The following HOXA1 variants were observed in gnomAD, a reference collection of about 807,000 sequenced individuals.
HOXA1 encodes homeobox A1, also known as homeobox protein Hox-A1.
In HOXA1, 21 loss-of-function variants were observed where a neutral mutation model predicts 28.3. The observed-to-expected ratio is 0.74, with a 90% confidence interval of 0.53 to 1.07. HOXA1 has a LOEUF of 1.07. Ranked by LOEUF, HOXA1 falls within the 50% of genes least tolerant of loss-of-function variation. HOXA1 has a pLI of 0.00. For missense variants in HOXA1, 446 were observed against 434.3 expected (o/e 1.03, Z -0.24); for synonymous variants, 208 against 181.2 (o/e 1.15, Z -1.19).
Position 27,095,670 on chromosome 7 carries a change from C to A in HOXA1, c.243G>T (p.Gln81His). 1 of 1,613,878 alleles carries A rather than the reference C, an allele frequency of 6.2e-7. No homozygotes were observed. Among genetic ancestry groups the A allele is most frequent in the South Asian group, 1.1e-5 (1 of 91,070 alleles). The change falls in exon 1 of 2, where the codon CAG (glutamine) becomes CAT (histidine). Residue 81 changes from glutamine (Q) to histidine (H), a missense_variant. Transcript: ENST00000643460. ...HHRHPQPATYQTSGNLGVSYS... is the reference protein window; with the variant it reads ...HHRHPQPATYHTSGNLGVSYS... ...AGGACACCCCCAGGTTCCCGGAAGT[C>A]TGGTAGGTAGCCGGCTGGGGGTGGC...
Position 27,095,856 on chromosome 7 carries a change from G to A in HOXA1, c.57C>T (p.Asp19=), listed in dbSNP as rs1256148487. Residue 19 remains aspartate, a synonymous_variant, in exon 1 of 2, where the codon GAC becomes GAT. Transcript: ENST00000643460. ...FLEYPILSSG[D]SGTCSARAYP... is the part of the protein sequence containing the mutation. ...AGGCTCGGGCTGAGCAGGTCCCCGA[G>A]TCGCCACTGCTAAGTATGGGGTATT... The A allele has an allele frequency of 6.2e-7, 1 of 1,613,936 alleles. No individual in the cohort carries two copies. Among genetic ancestry groups the A allele is most frequent in the South Asian group, 1.1e-5 (1 of 91,092 alleles).
Position 27,095,697 on chromosome 7 carries a change from ATGGTGGTGGTGG to A in HOXA1, c.204_215del (p.His69_His72del), listed in dbSNP as rs747464910. ...GGTAGGTAGCCGGCTGGGGGTGGCG[ATGGTGGTGGTGG>A]TGGTGGTGGTGGGGCGAACCGATCT... On this transcript the variant is annotated inframe_deletion, in exon 1 of 2. Coordinates refer to ENST00000643460, the MANE Select transcript of HOXA1 (RefSeq NM_005522.5). 2.1e-6 allele frequency: 2 copies of A among 949,658 alleles called. No homozygotes were observed. Among genetic ancestry groups the A allele is most frequent in the Non-Finnish European group, 1.4e-6 (1 of 718,376 alleles). 58.8% of individuals were successfully genotyped at this position (949,658 alleles called of 1,614,324 possible). A position where few individuals can be genotyped will look rare whatever the true frequency, so the allele number is the denominator to read the frequency against.
At position 27,095,392 on chromosome 7, in the gene HOXA1, G is replaced by T. The variant is rs1301940697; in HGVS notation, c.521C>A (p.Ala174Asp). The change falls in exon 1 of 2, where the codon GCT (alanine) becomes GAT (aspartate). Residue 174 changes from alanine to aspartate, a missense_variant. Physicochemically the swap from Ala to Asp is moderately radical, Grantham distance 126. Transcript: ENST00000643460. ...AGGGGACAAGGAGTTATTATACGTA[G>T]CCAGGGCCAGGCTCTGGTGCTCCTG... is the stretch of plus-strand genomic sequence containing the variant. Reference protein sequence around the residue: ...YGQEHQSLALATYNNSLSPLH... With the variant: ...YGQEHQSLALDTYNNSLSPLH... 1.2e-6 allele frequency: 2 copies of T among 1,614,000 alleles called. No individual in the cohort carries two copies. Among genetic ancestry groups the T allele is most frequent in the Non-Finnish European group, 1.7e-6 (2 of 1,180,034 alleles).
chr7:27,094,928 G>A (rs1783785138), intron 1 of HOXA1, 133 bp from the exon 2 acceptor site: 2 of 732,602 alleles, frequency 2.7e-6, no homozygotes, highest in South Asian at 1.6e-5. Context: ...GCTGTGGAGG[G>A]TGAGTGATGA....
chr7:27,095,538 C>T lies in HOXA1; in HGVS notation c.375G>A (p.Gln125=). 6.2e-7 allele frequency: 1 copy of T among 1,614,036 alleles called. No homozygotes were observed. The highest frequency in any genetic ancestry group is 8.5e-7 in the Non-Finnish European group (1 of 1,180,022). Residue 125 remains glutamine, a synonymous_variant, in exon 1 of 2, where the codon CAG becomes CAA. Coordinates refer to ENST00000643460, the MANE Select transcript of HOXA1 (RefSeq NM_005522.5). Reference sequence around the variant, plus strand: ...TTCCAGAGTAAACAGCGGGAGCGCACTGGGGGTACCCACCACTTACGTCTG... The same window carrying T: ...TTCCAGAGTAAACAGCGGGAGCGCATTGGGGGTACCCACCACTTACGTCTG... ...QEADVSGGYP[Q]CAPAVYSGNL...
At chr7:27,095,223 G>A (rs774113767) in intron 1 of HOXA1, 38 bp downstream of exon 1, 1 of 1,598,548 alleles carries the variant, frequency 6.3e-7, no homozygotes, top group African/African-American at 1.3e-5. Flanking sequence ...GCTCCTTCCA[G>A]AATAATCAAG....
rs926957893 is a variant in HOXA1 at position 27,093,629 on chromosome 7, G to T, written c.*811C>A. 6.6e-6 allele frequency: 1 copy of T among 152,484 alleles called. No homozygotes were observed. The highest frequency in any genetic ancestry group is 1.5e-5 in the Non-Finnish European group (1 of 68,042). The allele number at this position is 152,484 out of a possible 1,614,324, so 9.4% of individuals were successfully genotyped here. On this transcript the variant is annotated 3_prime_UTR_variant, in exon 2 of 2. Coordinates refer to ENST00000643460, the MANE Select transcript of HOXA1 (RefSeq NM_005522.5). The stretch of plus-strand genomic sequence containing the variant: ...AAATTGGTTTGAATAATACTTTTAG[G>T]TTCTGAATAACCCAGCACAAATTTT...
Position 27,095,287 on chromosome 7 carries a change from T to G in HOXA1, c.626A>C (p.Lys209Thr). 1 of 1,614,034 alleles carries G rather than the reference T, an allele frequency of 6.2e-7. No individual in the cohort carries two copies. Among genetic ancestry groups the G allele is most frequent in the Admixed American group, 1.7e-5 (1 of 60,006 alleles). Residue 209 changes from lysine to threonine, a missense_variant, in exon 1 of 2, where the codon AAA (lysine) becomes ACA (threonine). Physicochemically the swap from Lys to Thr is moderately conservative, Grantham distance 78 (BLOSUM62 -1). Transcript: ENST00000643460. ...TGTTTTGGGAGGGTTTCTTTTGACTTTCATCCAGTCAAAAGTCTGCGCTGG... is the reference window on the plus strand; with the variant it reads ...TGTTTTGGGAGGGTTTCTTTTGACTGTCATCCAGTCAAAAGTCTGCGCTGG... ...SSPAQTFDWM[K>T]VKRNPPKTGK...
At position 27,095,569 on chromosome 7, in the gene HOXA1, T is replaced by C. The variant is rs1380694364; in HGVS notation, c.344A>G (p.Gln115Arg). The change falls in exon 1 of 2, where the codon CAG (glutamine) becomes CGG (arginine). Residue 115 changes from glutamine to arginine, a missense_variant. Coordinates refer to ENST00000643460, the MANE Select transcript of HOXA1 (RefSeq NM_005522.5). The stretch of plus-strand genomic sequence containing the variant: ...GTACCCACCACTTACGTCTGCTTCC[T>C]GATTTAACGCGTAGGGGCTGTAAGG... Reference protein sequence around the residue: ...SAPYSPYALNQEADVSGGYPQ... With the variant: ...SAPYSPYALNREADVSGGYPQ... 2.5e-6 allele frequency: 4 copies of C among 1,614,170 alleles called. No individual in the cohort carries two copies. The East Asian group carries it at 8.9e-5, about 36-fold the overall frequency.
Position 27,094,476 on chromosome 7 carries a change from C to T in HOXA1, c.972G>A (p.Gly324=), listed in dbSNP as rs764172712. The T allele has an allele frequency of 1.2e-6, 2 of 1,613,972 alleles. No individual in the cohort carries two copies. The highest frequency in any genetic ancestry group is 1.7e-6 in the Non-Finnish European group (2 of 1,179,852). ...SSSSPCVPSP[G]SSTSDTLTTS... is the part of the protein sequence containing the mutation. ...TAGTCAGAGTGTCTGAGGTAGAAGA[C>T]CCCGGGGAAGGAACGCAGGGCGAAG... The change falls in exon 2 of 2, where the codon GGG becomes GGA. Residue 324 remains glycine, a synonymous_variant. Coordinates refer to ENST00000643460, the MANE Select transcript of HOXA1 (RefSeq NM_005522.5).
chr7:27,094,345 T>G lies in HOXA1; in HGVS notation c.*95A>C. On this transcript the variant is annotated 3_prime_UTR_variant, in exon 2 of 2. Coordinates refer to ENST00000643460, the MANE Select transcript of HOXA1 (RefSeq NM_005522.5). ...TAGGATTAGAAAGGAAGAAAGAGAC[T>G]GTAAATGGAAAGAAAGATAAGCTAA... 1.1e-6 allele frequency: 1 copy of G among 878,582 alleles called. No individual in the cohort carries two copies. Among genetic ancestry groups the G allele is most frequent in the Admixed American group, 1.8e-5 (1 of 54,796 alleles). 54.4% of individuals were successfully genotyped at this position (878,582 alleles called of 1,614,324 possible).
Position 27,095,977 on chromosome 7 carries a change from A to T in HOXA1, c.-65T>A. ...CTGTGCCAACTTTCTCACTTCCTCC[A>T]TGGGGCCGGAGAAGAAAAATGATAT... On this transcript the variant is annotated 5_prime_UTR_variant, in exon 1 of 2. It removes an upstream start codon present in the reference 5' UTR. Coordinates refer to ENST00000643460, the MANE Select transcript of HOXA1 (RefSeq NM_005522.5). 1 of 1,024,914 alleles carries T rather than the reference A, an allele frequency of 9.8e-7. No homozygotes were observed. The highest frequency in any genetic ancestry group is 1.4e-6 in the Non-Finnish European group (1 of 737,136). The allele number at this position is 1,024,914 out of a possible 1,614,324, so 63.5% of individuals were successfully genotyped here.
In HOXA1 at chr7:27,094,586, C is replaced by T. The variant is rs762030849; in HGVS notation, c.862G>A (p.Glu288Lys). The T allele has an allele frequency of 1.9e-6, 3 of 1,614,214 alleles. No individual in the cohort carries two copies. Among genetic ancestry groups the T allele is most frequent in the Non-Finnish European group, 2.5e-6 (3 of 1,180,040 alleles). ...QNRRMKQKKR[E>K]KEGLLPISPA... ...GAGATGGGCAAGAGACCCTCCTTCTCACGTTTCTTTTGCTTCATTCGGCGG... is the reference window on the plus strand; with the variant it reads ...GAGATGGGCAAGAGACCCTCCTTCTTACGTTTCTTTTGCTTCATTCGGCGG... The change falls in exon 2 of 2, where the codon GAG (glutamate) becomes AAG (lysine). Residue 288 changes from glutamate (E) to lysine (K), a missense_variant. Coordinates refer to ENST00000643460, the MANE Select transcript of HOXA1 (RefSeq NM_005522.5).
Position 27,094,490 on chromosome 7 carries a change from C to A in HOXA1, c.958G>T (p.Val320Phe), listed in dbSNP as rs199550475. 2.5e-6 allele frequency: 4 copies of A among 1,614,198 alleles called. No individual in the cohort carries two copies. The highest frequency in any genetic ancestry group is 3.4e-6 in the Non-Finnish European group (4 of 1,180,036). Reference protein sequence around the residue: ...SSEKSSSSPCVPSPGSSTSDT... With the variant: ...SSEKSSSSPCFPSPGSSTSDT... Reference sequence around the variant, plus strand: ...GAGGTAGAAGACCCCGGGGAAGGAACGCAGGGCGAAGAGCTGGACTTCTCT... The same window carrying A: ...GAGGTAGAAGACCCCGGGGAAGGAAAGCAGGGCGAAGAGCTGGACTTCTCT... Residue 320 changes from valine to phenylalanine, a missense_variant, in exon 2 of 2, where the codon GTT becomes TTT. Val to Phe is a conservative substitution (Grantham distance 50). Transcript: ENST00000643460.
chr7:27,095,873 T>C lies in HOXA1; in HGVS notation c.40A>G (p.Ile14Val). The C allele has an allele frequency of 6.2e-7, 1 of 1,613,846 alleles. No individual in the cohort carries two copies. Among genetic ancestry groups the C allele is most frequent in the Middle Eastern group, 1.6e-4 (1 of 6,062 alleles). The change falls in exon 1 of 2, where the codon ATA becomes GTA. Residue 14 changes from isoleucine (I) to valine (V), a missense_variant. Physicochemically the swap from Ile to Val is conservative, Grantham distance 29. Transcript: ENST00000643460. Reference protein sequence around the residue: ...ARMNSFLEYPILSSGDSGTCS... With the variant: ...ARMNSFLEYPVLSSGDSGTCS... The stretch of plus-strand genomic sequence containing the variant: ...GTCCCCGAGTCGCCACTGCTAAGTA[T>C]GGGGTATTCCAGGAAGGAGTTCATT...
intron 1 of HOXA1, 148 bp downstream of exon 1, chr7:27,095,113 C>A: frequency 3.5e-6 from 3 of 868,310 alleles, no homozygotes; most frequent in Non-Finnish European, 3.7e-6. Flanking sequence ...TTTGCCCCAA[C>A]ACCTCTGGGC....
intron 1 of HOXA1, among the ~76,000 whole-genome samples, 183 bp downstream of exon 1, chr7:27,095,078 A>C (rs1462504705): frequency 6.6e-6 from 1 of 152,144 alleles, no homozygotes; most frequent in African/African-American, 2.4e-5. Context: ...AAAATCCTTG[A>C]AAACACACCA....
In HOXA1 at chr7:27,095,697, A is replaced by ATGGTGATGG. The variant is rs1783807683; in HGVS notation, c.215_216insCCATCACCA (p.His70_His72dup). ...GGTAGGTAGCCGGCTGGGGGTGGCG[A>ATGGTGATGG]TGGTGGTGGTGGTGGTGGTGGTGGG... is the stretch of plus-strand genomic sequence containing the variant. On this transcript the variant is annotated inframe_insertion, in exon 1 of 2. Transcript: ENST00000643460. 1 of 941,992 alleles carries ATGGTGATGG rather than the reference A, an allele frequency of 1.1e-6. No homozygotes were observed. Among genetic ancestry groups the ATGGTGATGG allele is most frequent in the African/African-American group, 1.5e-5 (1 of 64,732 alleles). 58.4% of individuals were successfully genotyped at this position (941,992 alleles called of 1,614,324 possible).
rs1453252612 is a variant in HOXA1 at position 27,094,374 on chromosome 7, T to G, written c.*66A>C. 12 of 1,054,106 alleles carry G rather than the reference T, an allele frequency of 1.1e-5. No homozygotes were observed. Among genetic ancestry groups the G allele is most frequent in the Admixed American group, 1.7e-5 (1 of 59,092 alleles). The allele number at this position is 1,054,106 out of a possible 1,614,324, so 65.3% of individuals were successfully genotyped here. A position where few individuals can be genotyped will look rare whatever the true frequency, so the allele number is the denominator to read the frequency against. On this transcript the variant is annotated 3_prime_UTR_variant, in exon 2 of 2. Transcript: ENST00000643460. The stretch of plus-strand genomic sequence containing the variant: ...AATGGAAAGAAAGATAAGCTAAGCA[T>G]GTGCTTTGGGTAAGAAGTCCCAGCC...
Sources: allele counts gnomAD v4.1 joint callset (sites outside exome capture counted in the v4.1 genomes callset), GRCh38; gene constraint gnomAD v4.1.1; transcripts MANE v1.5; gene names NCBI Gene and HGNC (gene_info 2026-07-23, HGNC 2026-07-21).